HNRNPK: variants seen among roughly 807,000 people sequenced by gnomAD.
HNRNPK encodes dC-stretch binding protein.
HNRNPK carries 7 observed loss-of-function variants against 67.0 expected under a neutral mutation model. The observed-to-expected ratio is 0.10, with a 90% CI of 0.06 to 0.20. HNRNPK has a LOEUF of 0.20. Among genes scored for constraint, HNRNPK ranks in the 10% least tolerant of loss-of-function variants. HNRNPK has a pLI of 1.00. For synonymous variants in HNRNPK, 213 were observed against 193.7 expected, an observed-to-expected ratio of 1.10 and a Z score of -0.83; for missense variants, 264 against 606.5, an observed-to-expected ratio of 0.44 and a Z score of 5.93.
At chr9:83,978,523 G>C (rs1957178294) in intron 1 of HNRNPK, 71 bp from the exon 2 acceptor site, 1 of 381,886 alleles carries the variant, frequency 2.6e-6, no homozygotes, top group African/African-American at 2.1e-5. Flanking sequence ...TCCGATCACA[G>C]TGAATACTGA....
At chr9:83,974,271 A>T (rs1956975811) in intron 7 of HNRNPK, among the ~76,000 whole-genome samples, 1 of 144,736 alleles carries the variant, frequency 6.9e-6, no homozygotes, top group Non-Finnish European at 1.5e-5. Flanking sequence ...TAAAATACAT[A>T]CTAAACCCAT....
At chr9:83,975,657 C>CG (rs1957036738) in intron 5 of HNRNPK, 152 bp from the exon 6 acceptor site, 1 of 722,946 alleles carries the variant, frequency 1.4e-6, no homozygotes, top group Non-Finnish European at 2.6e-6. Flanking sequence ...GATGGGCCAA[C>CG]GTCATGGTGG....
intron 2 of HNRNPK, 38 bp downstream of exon 2, chr9:83,978,331 TAAAA>T (rs55698797): frequency 0.019 from 23,699 of 1,254,490 alleles, no homozygotes; most frequent in South Asian, 0.031. Flanking sequence ...AAGCAAGCTG[TAAAA>T]AAAAAAAAAA....
intron 10 of HNRNPK, among the ~76,000 whole-genome samples, chr9:83,972,506 CACA>C (rs1451763519): frequency 7.2e-5 from 11 of 152,182 alleles, no homozygotes; most frequent in South Asian, 4.1e-4. Context: ...ATGCACATTT[CACA>C]ACAAGGGCTG....
At chr9:83,977,171 T>C in intron 4 of HNRNPK, 120 bp from the exon 5 acceptor site, 3 of 717,264 alleles carry the variant, frequency 4.2e-6, no homozygotes, top group South Asian at 1.8e-5. Context: ...AAAAATCTAT[T>C]TGGGGTTGTA....
Position 83,970,724 on chromosome 9 carries a change from TA to T in HNRNPK, c.1191+12del. ...AGTGATAAAATGTTCCTGGTAGTAT[TA>T]AAGATACTTACATCTTTGGGAATAG... On this transcript the variant is annotated intron_variant, in intron 15 of 16. Coordinates refer to ENST00000376263, the MANE Select transcript of HNRNPK (RefSeq NM_031263.4). 1 of 1,409,584 alleles carries T rather than the reference TA, an allele frequency of 7.1e-7. No homozygotes were observed. Among genetic ancestry groups the T allele is most frequent in the South Asian group, 1.2e-5 (1 of 85,162 alleles). 87.3% of individuals were successfully genotyped at this position (1,409,584 alleles called of 1,614,324 possible). A position where few individuals can be genotyped will look rare whatever the true frequency, so the allele number is the denominator to read the frequency against.
In HNRNPK at chr9:83,970,027, A is replaced by C. The variant is rs535658280; in HGVS notation, c.1361+135T>G. On this transcript the variant is annotated intron_variant, in intron 16 of 16. Coordinates refer to ENST00000376263, the MANE Select transcript of HNRNPK (RefSeq NM_031263.4). ...AGCAGAAGAAAAATTAAGGCAAACT[A>C]TTAGAATGTTTAGAAGTTAGGTCCC... 12 of 697,774 alleles carry C rather than the reference A, an allele frequency of 1.7e-5. No homozygotes were observed. The Admixed American group carries it at 2.9e-4, about 17-fold the overall frequency. The allele number at this position is 697,774 out of a possible 1,614,324, so 43.2% of individuals were successfully genotyped here.
Position 83,968,699 on chromosome 9 carries a change from G to A in HNRNPK, c.*708C>T, listed in dbSNP as rs1956688719. ...ATTATAAGCATGAATATGTATGATG[G>A]AATTTCTTCCCAGCAATAGACTTCC... is the stretch of plus-strand genomic sequence containing the variant. On this transcript the variant is annotated 3_prime_UTR_variant, in exon 17 of 17. Coordinates refer to ENST00000376263, the MANE Select transcript of HNRNPK (RefSeq NM_031263.4). 6.6e-6 allele frequency: 1 copy of A among 152,480 alleles called. No individual in the cohort carries two copies. The highest frequency in any genetic ancestry group is 6.6e-5 in the Admixed American group (1 of 15,254). The allele number at this position is 152,480 out of a possible 1,614,324, so 9.4% of individuals were successfully genotyped here. A position where few individuals can be genotyped will look rare whatever the true frequency, so the allele number is the denominator to read the frequency against.
At chr9:83,974,116 T>C in intron 7 of HNRNPK, 143 bp from the exon 8 acceptor site, 2 of 550,846 alleles carry the variant, frequency 3.6e-6, no homozygotes, top group Non-Finnish European at 6.4e-6. Context: ...ATTAAGACGA[T>C]TCAAAACATA....
At chr9:83,973,775 C>A (rs1956955691) in intron 8 of HNRNPK, 127 bp downstream of exon 8, 1 of 678,300 alleles carries the variant, frequency 1.5e-6, no homozygotes. Context: ...AGTTGTAAGA[C>A]CATTCATGTA....
Position 83,972,988 on chromosome 9 carries a change from A to G in HNRNPK, c.517-16T>C. 6.9e-7 allele frequency: 1 copy of G among 1,455,974 alleles called. No homozygotes were observed. The highest frequency in any genetic ancestry group is 2.3e-5 in the East Asian group (1 of 42,840). The allele number at this position is 1,455,974 out of a possible 1,614,324, so 90.2% of individuals were successfully genotyped here. Reference sequence around the variant, plus strand: ...TTTGAGTGTTCTGTAGTAAGATCATAAAAAAAAATAATAATAATTAGAAGA... The same window carrying G: ...TTTGAGTGTTCTGTAGTAAGATCATGAAAAAAAATAATAATAATTAGAAGA... On this transcript the variant is annotated splice_polypyrimidine_tract_variant and intron_variant, in intron 9 of 16. Coordinates refer to ENST00000376263, the MANE Select transcript of HNRNPK (RefSeq NM_031263.4).
chr9:83,978,559 C>G (rs991626128), intron 1 of HNRNPK, 107 bp from the exon 2 acceptor site: 26 of 240,086 alleles, frequency 1.1e-4, no homozygotes, highest in Middle Eastern at 1.3e-3. Flanking sequence ...CCAGCTGTTT[C>G]TAAAACTTGA....
intron 15 of HNRNPK, 87 bp downstream of exon 15, chr9:83,970,650 T>TA: frequency 1.0e-6 from 1 of 961,402 alleles, no homozygotes; most frequent in Non-Finnish European, 1.6e-6. Context: ...GTATTTTTGT[T>TA]AAAACCTTCT....
At chr9:83,975,586 T>A in intron 5 of HNRNPK, 81 bp from the exon 6 acceptor site, 1 of 1,230,386 alleles carries the variant, frequency 8.1e-7, no homozygotes, top group East Asian at 2.3e-5. Context: ...GGTACCCGTT[T>A]GGCAACGAGC....
chr9:83,979,829 G>A (rs1243420425), intron 1 of HNRNPK, among the ~76,000 whole-genome samples: 1 of 152,106 alleles, frequency 6.6e-6, no homozygotes, highest in Non-Finnish European at 1.5e-5. Flanking sequence ...GGTGAGGCGG[G>A]GCTCACACAA....
intron 11 of HNRNPK, 35 bp from the exon 12 acceptor site, chr9:83,971,761 C>T (rs2133028636): frequency 1.2e-6 from 2 of 1,602,920 alleles, no homozygotes; most frequent in South Asian, 1.1e-5. Context: ...TCTAAACGTG[C>T]TTACATGCCA....
intron 8 of HNRNPK, 37 bp from the exon 9 acceptor site, chr9:83,973,436 C>T (rs1956944840): frequency 8.7e-7 from 1 of 1,152,962 alleles, no homozygotes; most frequent in African/African-American, 1.5e-5. Context: ...AGTCTCAAAT[C>T]AACAATTCCC....
intron 2 of HNRNPK, 41 bp downstream of exon 2, chr9:83,978,329 TGTA>T: frequency 7.8e-7 from 1 of 1,286,264 alleles, no homozygotes; most frequent in Non-Finnish European, 1.0e-6. Context: ...GAAAGCAAGC[TGTA>T]AAAAAAAAAA....
intron 12 of HNRNPK, 38 bp downstream of exon 12, chr9:83,971,634 A>C: frequency 6.6e-7 from 1 of 1,525,150 alleles, no homozygotes; most frequent in Non-Finnish European, 9.1e-7. Context: ...GACAACCCTC[A>C]CATACCCAAC....
Sources: allele counts gnomAD v4.1 joint callset (sites outside exome capture counted in the v4.1 genomes callset), GRCh38; gene constraint gnomAD v4.1.1; transcripts MANE v1.5; gene names NCBI Gene and HGNC (gene_info 2026-07-23, HGNC 2026-07-21).